The following SAXO1 variants were observed in gnomAD, a reference collection of about 807,000 sequenced individuals.
The protein encoded by SAXO1 is 4930500O09Rik.
In SAXO1, 21 loss-of-function variants were observed where a neutral mutation model predicts 17.5. The ratio of observed to expected loss-of-function variants is 1.20; its 90% confidence interval spans 0.85 to 1.72. SAXO1 has a LOEUF of 1.72. SAXO1 is among the 40% of genes most tolerant of loss of function. The pLI, the probability that SAXO1 is intolerant of heterozygous loss-of-function variation, is 0.00. For synonymous variants in SAXO1, 274 were observed against 216.5 expected (o/e 1.27, Z -2.33); for missense variants, 843 against 596.0 (o/e 1.41, Z -4.32).
In SAXO1 at chr9:18,944,084, T is replaced by C. The variant is rs534909617; in HGVS notation, c.219-2245A>G. 6.0e-5 allele frequency among the ~76,000 whole-genome samples: 9 copies of C among 150,746 alleles called. No individual in the cohort carries two copies. The South Asian group carries it at 1.3e-3, about 21-fold the overall frequency. On this transcript the variant is annotated intron_variant, in intron 2 of 3. Coordinates refer to ENST00000380534, the MANE Select transcript of SAXO1 (RefSeq NM_153707.4). Reference sequence around the variant, plus strand: ...CACCAGTTCACAGACTATTCTGAAATTGGTTTCCCAAAGACAAAAGCCAAT... The same window carrying C: ...CACCAGTTCACAGACTATTCTGAAACTGGTTTCCCAAAGACAAAAGCCAAT...
chr9:18,936,681 C>T (rs1452082932), intron 3 of SAXO1, among the ~76,000 whole-genome samples: 1 of 152,142 alleles, frequency 6.6e-6, no homozygotes, highest in African/African-American at 2.4e-5. Context: ...CAGTAAAGCC[C>T]TTCAGGGCCA....
intron 3 of SAXO1, among the ~76,000 whole-genome samples, chr9:18,938,373 C>T (rs1318598447): frequency 6.6e-6 from 1 of 152,004 alleles, no homozygotes; most frequent in Non-Finnish European, 1.5e-5. Flanking sequence ...TCTGGGGAGG[C>T]CTCAGGGAGT....
At chr9:18,994,220 ATGTG>A (rs530418685) in intron 1 of SAXO1, among the ~76,000 whole-genome samples, 256 of 152,288 alleles carry the variant, frequency 1.7e-3, no homozygotes, top group Non-Finnish European at 2.8e-3. Context: ...AGCTATGCCT[ATGTG>A]GGTGTGTTTG....
intron 1 of SAXO1, among the ~76,000 whole-genome samples, chr9:18,973,796 CA>C (rs1833036408): frequency 2.0e-5 from 3 of 152,234 alleles, no homozygotes; most frequent in Non-Finnish European, 2.9e-5. Context: ...ATATCCTGAT[CA>C]CCTGATTATC....
upstream of SAXO1, among the ~76,000 whole-genome samples, chr9:19,037,551 T>C (rs1008092015): frequency 2.6e-5 from 4 of 152,180 alleles, no homozygotes; most frequent in Non-Finnish European, 4.4e-5. Flanking sequence ...TGCATCCTCC[T>C]CATTTTTTTC....
chr9:18,930,500 C>CTTTTTTTTTTTTTTTTTTTTTTTT (rs55974011), intron 3 of SAXO1, among the ~76,000 whole-genome samples: 1 of 146,360 alleles, frequency 6.8e-6, no homozygotes, highest in Non-Finnish European at 1.5e-5. Flanking sequence ...ACTGCTGGAA[C>CTTTTTTTTTTTTTTTTTTTTTTTT]TTTTTTTTTT....
At chr9:19,020,678 A>G (rs770272299) in intron 1 of SAXO1, among the ~76,000 whole-genome samples, 25 of 152,272 alleles carry the variant, frequency 1.6e-4, no homozygotes, top group Middle Eastern at 3.4e-3. Context: ...TTGAATCTTC[A>G]TTCTGTCATC....
chr9:19,041,203 A>T (rs1836071183), intron 1 of SAXO1, among the ~76,000 whole-genome samples: 2 of 151,698 alleles, frequency 1.3e-5, no homozygotes, highest in Admixed American at 1.3e-4. Context: ...CAATAGACAC[A>T]AATAAAATTA....
intron 1 of SAXO1, among the ~76,000 whole-genome samples, chr9:18,969,787 G>A (rs1024022442): frequency 1.3e-5 from 2 of 152,212 alleles, no homozygotes; most frequent in Non-Finnish European, 2.9e-5. Context: ...GCAGCCCTGA[G>A]AGCTAAGCAG....
At chr9:18,976,005 A>G (rs1016490160) in intron 1 of SAXO1, among the ~76,000 whole-genome samples, 1 of 152,230 alleles carries the variant, frequency 6.6e-6, no homozygotes, top group African/African-American at 2.4e-5. Context: ...ATTCCCTGCA[A>G]TACTTAGGTG....
chr9:18,992,590 G>C (rs1336563297), intron 1 of SAXO1, among the ~76,000 whole-genome samples: 3 of 152,108 alleles, frequency 2.0e-5, no homozygotes, highest in Non-Finnish European at 4.4e-5. Flanking sequence ...CTAGGAAGTG[G>C]TCAGGTTGCA....
chr9:18,960,614 C>T (rs1345064220), intron 1 of SAXO1, among the ~76,000 whole-genome samples: 1 of 152,024 alleles, frequency 6.6e-6, no homozygotes, highest in African/African-American at 2.4e-5. Context: ...CCCGAATCTA[C>T]AAAAAACAAC....
intron 1 of SAXO1, among the ~76,000 whole-genome samples, chr9:18,988,321 A>G (rs1036204681): frequency 1.3e-5 from 2 of 152,252 alleles, no homozygotes; most frequent in African/African-American, 2.4e-5. Flanking sequence ...TTGAAACAGA[A>G]CATATAAGCA....
intron 3 of SAXO1, among the ~76,000 whole-genome samples, chr9:18,938,826 G>GTGTA (rs1554667850): frequency 1.2e-5 from 1 of 80,580 alleles, no homozygotes; most frequent in African/African-American, 3.9e-5. Context: ...GCGTGCGTGT[G>GTGTA]TGTGTGTGTG....
chr9:18,956,110 A>ACTTTTT lies in SAXO1; in HGVS notation c.39-5174_39-5173insAAAAAG, dbSNP rs1554670629. 1.6e-5 allele frequency among the ~76,000 whole-genome samples: 2 copies of ACTTTTT among 128,812 alleles called. 1 individual carries two copies. The allele number at this position is 128,812 out of a possible 152,430, so 84.5% of individuals were successfully genotyped here. ...CATGCACCACTGCACAACCTGGCTA[A>ACTTTTT]TTTTTTTTTTTTTTTTTTTTTGTAG... On this transcript the variant is annotated intron_variant, in intron 1 of 3. Coordinates refer to ENST00000380534, the MANE Select transcript of SAXO1 (RefSeq NM_153707.4).
At chr9:18,929,544 T>C (rs1830944015) in intron 3 of SAXO1, among the ~76,000 whole-genome samples, 1 of 152,236 alleles carries the variant, frequency 6.6e-6, no homozygotes, top group Admixed American at 6.5e-5. Context: ...CAGCCCACTG[T>C]GTCCCTGTAA....
intron 1 of SAXO1, among the ~76,000 whole-genome samples, chr9:19,010,869 C>T (rs10811097): frequency 0.27 from 41,650 of 151,988 alleles, 6,493 homozygotes; most frequent in African/African-American, 0.44. Flanking sequence ...ACTATAATTA[C>T]CACCAAATAT....
intron 1 of SAXO1, among the ~76,000 whole-genome samples, chr9:18,959,666 G>A (rs1044572762): frequency 7.2e-5 from 11 of 152,114 alleles, no homozygotes; most frequent in African/African-American, 1.9e-4. Flanking sequence ...AGCTACTTGC[G>A]AGGCTGAGGC....
intron 1 of SAXO1, among the ~76,000 whole-genome samples, chr9:19,047,508 A>G (rs1836248896): frequency 6.6e-6 from 1 of 152,246 alleles, no homozygotes; most frequent in African/African-American, 2.4e-5. Flanking sequence ...TGGTTTCCAA[A>G]TTAAAAGACA....
Sources: allele counts gnomAD v4.1 joint callset (sites outside exome capture counted in the v4.1 genomes callset), GRCh38; gene constraint gnomAD v4.1.1; transcripts MANE v1.5; gene names NCBI Gene and HGNC (gene_info 2026-07-23, HGNC 2026-07-21).